The following KCNIP1 variants were observed in gnomAD, a reference collection of about 807,000 sequenced individuals.
KCNIP1 encodes potassium voltage-gated channel interacting protein 1, also known as A-type potassium channel modulatory protein KCNIP1.
A neutral mutation model predicts 33.0 loss-of-function variants in KCNIP1; 18 were observed. The ratio of observed to expected loss-of-function variants is 0.55; its 90% CI spans 0.38 to 0.81. The LOEUF (loss-of-function observed/expected upper bound fraction) is 0.81. Among genes scored for constraint, KCNIP1 ranks in the 30% least tolerant of loss-of-function variants. The probability of loss-of-function intolerance (pLI) is 0.00; values close to 1 mark genes in which losing one functional copy is unlikely to be tolerated. For synonymous variants in KCNIP1, 93 were observed against 98.3 expected (o/e 0.95, Z 0.32); for missense variants, 238 against 271.6 (o/e 0.88, Z 0.87).
At chr5:170,712,872 A>G (rs1487864501) in intron 1 of KCNIP1, 2 of 1,613,860 alleles carry the variant, frequency 1.2e-6, no homozygotes, top group African/African-American at 2.7e-5. Flanking sequence ...TGGTGGTATT[A>G]CCAGTATCAG....
chr5:170,480,934 G>A (rs1003525629), intron 1 of KCNIP1, among the ~76,000 whole-genome samples: 2 of 151,894 alleles, frequency 1.3e-5, no homozygotes, highest in African/African-American at 4.8e-5. Context: ...AGTGCCTATC[G>A]ATGCTTAATA....
At chr5:170,568,599 G>A (rs1757281762) in intron 1 of KCNIP1, among the ~76,000 whole-genome samples, 1 of 134,392 alleles carries the variant, frequency 7.4e-6, no homozygotes, top group Non-Finnish European at 1.6e-5. Flanking sequence ...GATCACCTGA[G>A]GTCAGAGTTT....
chr5:170,602,834 G>T (rs972222616), intron 1 of KCNIP1, among the ~76,000 whole-genome samples: 5 of 152,230 alleles, frequency 3.3e-5, no homozygotes, highest in Admixed American at 2.6e-4. Context: ...CCCTTCCCAA[G>T]GGCGCAAGGT....
At chr5:170,447,727 G>T (rs1427327740) in intron 1 of KCNIP1, among the ~76,000 whole-genome samples, 1 of 151,928 alleles carries the variant, frequency 6.6e-6, no homozygotes, top group Non-Finnish European at 1.5e-5. Flanking sequence ...GTTTCTCAGA[G>T]ATTTCAGTGG....
intron 1 of KCNIP1, among the ~76,000 whole-genome samples, chr5:170,480,431 C>G (rs1315480384): frequency 6.6e-6 from 1 of 151,680 alleles, no homozygotes; most frequent in Non-Finnish European, 1.5e-5. Flanking sequence ...TTTTCTGAGA[C>G]CAGAGTGTTT....
intron 2 of KCNIP1, 30 bp from the exon 3 acceptor site, chr5:170,720,291 C>T (rs1391077661): frequency 6.4e-7 from 1 of 1,571,976 alleles, no homozygotes. Flanking sequence ...CCCTCAAATG[C>T]CTCCCGCTGA....
At chr5:170,483,604 G>T (rs533666046) in intron 1 of KCNIP1, among the ~76,000 whole-genome samples, 1 of 152,266 alleles carries the variant, frequency 6.6e-6, no homozygotes, top group South Asian at 2.1e-4. Flanking sequence ...GTCACATTTG[G>T]GTTGGTTAAA....
intron 1 of KCNIP1, among the ~76,000 whole-genome samples, chr5:170,458,426 G>C (rs1271992635): frequency 1.3e-5 from 2 of 152,174 alleles, no homozygotes; most frequent in African/African-American, 4.8e-5. Context: ...ATGAAGGAAA[G>C]AATCTTAAGA....
chr5:170,532,101 T>G (rs1755809441), intron 1 of KCNIP1, among the ~76,000 whole-genome samples: 1 of 152,206 alleles, frequency 6.6e-6, no homozygotes, highest in African/African-American at 2.4e-5. Flanking sequence ...TCAAATTTCC[T>G]TTGTTCCAGG....
chr5:170,702,664 G>T (rs1763134952), intron 1 of KCNIP1, among the ~76,000 whole-genome samples: 1 of 152,126 alleles, frequency 6.6e-6, no homozygotes, highest in Non-Finnish European at 1.5e-5. Context: ...ACAAGAGTGG[G>T]CCCAGCAGAG....
exon 1 of KCNIP1, chr5:170,353,793 G>T (rs1257016666): frequency 3.2e-6 from 4 of 1,264,784 alleles, no homozygotes; most frequent in Admixed American, 1.8e-5. Flanking sequence ...ATTCACCCAG[G>T]CAGGCTCCAA....
At chr5:170,724,683 T>A (rs770664161) in intron 5 of KCNIP1, among the ~76,000 whole-genome samples, 5 of 152,194 alleles carry the variant, frequency 3.3e-5, no homozygotes, top group Non-Finnish European at 7.4e-5. Context: ...TTTATAATTC[T>A]ACATCCAACA....
chr5:170,538,441 C>T (rs1015681189), intron 1 of KCNIP1, among the ~76,000 whole-genome samples: 2 of 152,092 alleles, frequency 1.3e-5, no homozygotes, highest in African/African-American at 4.8e-5. Context: ...CAGTTTCTTC[C>T]CCACAGTCTT....
chr5:170,712,811 T>G (rs1299826739), intron 1 of KCNIP1: 1 of 1,604,370 alleles, frequency 6.2e-7, no homozygotes, highest in Non-Finnish European at 8.5e-7. Flanking sequence ...GTTTTGCTTT[T>G]CGATGAATCG....
chr5:170,595,522 G>A (rs75832790), intron 1 of KCNIP1, among the ~76,000 whole-genome samples: 2,777 of 152,298 alleles, frequency 0.018, 92 homozygotes, highest in African/African-American at 0.064. Flanking sequence ...AGGACCCTCT[G>A]GGATGATTCC....
chr5:170,367,349 A>AGGAAAGAAGGAAAGAAGG (rs372538602), intron 1 of KCNIP1, among the ~76,000 whole-genome samples: 3 of 76,944 alleles, frequency 3.9e-5, no homozygotes, highest in African/African-American at 1.7e-4. Flanking sequence ...GAAGGAAAGA[A>AGGAAAGAAGGAAAGAAGG]AAAGAAAGAA....
At chr5:170,363,957 A>G (rs1763586073) in intron 1 of KCNIP1, among the ~76,000 whole-genome samples, 1 of 151,068 alleles carries the variant, frequency 6.6e-6, no homozygotes, top group Non-Finnish European at 1.5e-5. Context: ...TAAGTGAGTC[A>G]TGAACAGTAT....
intron 3 of KCNIP1, among the ~76,000 whole-genome samples, chr5:170,721,559 C>A (rs1396866511): frequency 6.6e-6 from 1 of 152,108 alleles, no homozygotes; most frequent in Non-Finnish European, 1.5e-5. Flanking sequence ...CTGTGCCATT[C>A]ATACACCAAC....
chr5:170,529,919 G>C (rs1169453055), intron 1 of KCNIP1, among the ~76,000 whole-genome samples: 1 of 151,920 alleles, frequency 6.6e-6, no homozygotes, highest in African/African-American at 2.4e-5. Context: ...CTTCTTGTTG[G>C]ACTCTAGACT....
Sources: gnomAD v4.1 joint callset for allele counts (sites outside exome capture counted in the v4.1 genomes callset) on GRCh38, gnomAD v4.1.1 for gene constraint, MANE v1.5 for transcripts, NCBI Gene and HGNC (gene_info 2026-07-23, HGNC 2026-07-21) for gene names.